The following ALPL variants were observed in gnomAD, a reference collection of about 807,000 sequenced individuals.
ALPL encodes alkaline phosphatase, biomineralization associated.
ALPL carries 42 observed loss-of-function variants against 51.3 expected under a neutral mutation model. The observed-to-expected ratio is 0.82, with a 90% CI of 0.64 to 1.06. ALPL has a LOEUF of 1.06. ALPL is among the 50% of genes least tolerant of loss of function. ALPL has a pLI of 0.00. For synonymous variants in ALPL, 279 were observed against 296.4 expected (o/e 0.94, Z 0.60); for missense variants, 589 against 709.4 (o/e 0.83, Z 1.93).
At chr1:21,568,500 T>C (rs1253362135) in intron 7 of ALPL, among the ~76,000 whole-genome samples, 2 of 151,702 alleles carry the variant, frequency 1.3e-5, no homozygotes, top group Non-Finnish European at 2.9e-5. Context: ...TGCGTGGACA[T>C]TGAGTCACCC....
Position 21,577,933 on chromosome 1 carries a change from A to C in ALPL, c.*285A>C. On this transcript the variant is annotated 3_prime_UTR_variant, in exon 12 of 12. Transcript: ENST00000374840. ...GAGAGTACAGACTGCAGACATTCTC[A>C]AAGCCTCTTATTTTTCTAGCGAACG... is the stretch of plus-strand genomic sequence containing the variant. The C allele has an allele frequency of 1.8e-6, 1 of 555,242 alleles. No homozygotes were observed. Among genetic ancestry groups the C allele is most frequent in the Non-Finnish European group, 3.2e-6 (1 of 313,504 alleles). The allele number at this position is 555,242 out of a possible 1,614,324, so 34.4% of individuals were successfully genotyped here. A position where few individuals can be genotyped will look rare whatever the true frequency, so the allele number is the denominator to read the frequency against.
At chr1:21,517,199 T>C (rs1329367713) in intron 1 of ALPL, among the ~76,000 whole-genome samples, 1 of 152,220 alleles carries the variant, frequency 6.6e-6, no homozygotes, top group Non-Finnish European at 1.5e-5. Flanking sequence ...TAAGTGTAAG[T>C]TGGGGACAGT....
intron 1 of ALPL, among the ~76,000 whole-genome samples, chr1:21,537,271 C>G (rs545607041): frequency 1.3e-5 from 2 of 152,324 alleles, no homozygotes; most frequent in African/African-American, 4.8e-5. Context: ...GCCAAGGAAA[C>G]AGCCCTTGAA....
intron 1 of ALPL, among the ~76,000 whole-genome samples, chr1:21,526,026 T>C (rs1052948218): frequency 6.6e-6 from 1 of 152,062 alleles, no homozygotes; most frequent in Non-Finnish European, 1.5e-5. Flanking sequence ...AGAAATGGTC[T>C]TGTAAGCAGA....
chr1:21,517,862 C>T (rs1053196351), intron 1 of ALPL, among the ~76,000 whole-genome samples: 1 of 152,098 alleles, frequency 6.6e-6, no homozygotes, highest in Admixed American at 6.6e-5. Flanking sequence ...TCAACCACTG[C>T]TTGCTTTCCT....
At chr1:21,567,571 C>T (rs1283997558) in intron 6 of ALPL, among the ~76,000 whole-genome samples, 1 of 152,214 alleles carries the variant, frequency 6.6e-6, no homozygotes, top group Non-Finnish European at 1.5e-5. Flanking sequence ...CTGGGAGTCC[C>T]TGCCCTTAGC....
chr1:21,513,667 C>T (rs1285399033), intron 1 of ALPL, among the ~76,000 whole-genome samples: 3 of 152,202 alleles, frequency 2.0e-5, no homozygotes, highest in Non-Finnish European at 4.4e-5. Context: ...CACAAACTGC[C>T]TTCCTAAGGC....
chr1:21,557,101 T>A (rs1237979012), intron 2 of ALPL, among the ~76,000 whole-genome samples: 3 of 152,178 alleles, frequency 2.0e-5, no homozygotes, highest in Admixed American at 2.0e-4. Flanking sequence ...TTTCAAGCTA[T>A]GTGCTATTTT....
chr1:21,563,282 CTGG>C lies in ALPL; in HGVS notation c.472+1_472+3del. On this transcript the variant is annotated splice_donor_variant and coding_sequence_variant, in exon 5 of 12. Transcript: ENST00000374840. LOFTEE classifies it high-confidence loss of function. ...TCCATCCTGCGCTGGGCCAAGGACG[CTGG>C]TGAGTCGGGGGAGCAGTGGGGAGCA... 2.5e-6 allele frequency: 4 copies of C among 1,606,748 alleles called. No homozygotes were observed. The highest frequency in any genetic ancestry group is 3.4e-6 in the Non-Finnish European group (4 of 1,175,356).
chr1:21,573,653 C>G lies in ALPL; in HGVS notation c.863-12C>G, dbSNP rs75829132. Reference sequence around the variant, plus strand: ...CCTCTCAGCATCCACATCCTCCTGGCGTCCTCCTCAGGTCTCTTCGAGCCA... The same window carrying G: ...CCTCTCAGCATCCACATCCTCCTGGGGTCCTCCTCAGGTCTCTTCGAGCCA... On this transcript the variant is annotated splice_polypyrimidine_tract_variant and intron_variant, in intron 8 of 11. Transcript: ENST00000374840. 238,514 of 1,608,524 alleles carry G rather than the reference C, an allele frequency of 0.15. 22,663 individuals are homozygous for G. The highest frequency in any genetic ancestry group is 0.5 in the East Asian group (22,342 of 44,568).
At chr1:21,510,064 G>C (rs2148046233) in intron 1 of ALPL, among the ~76,000 whole-genome samples, 1 of 152,254 alleles carries the variant, frequency 6.6e-6, no homozygotes, top group East Asian at 1.9e-4. Flanking sequence ...GGCGGGAGGA[G>C]ACAGAGGACA....
chr1:21,541,876 G>T (rs1485876980), intron 1 of ALPL, among the ~76,000 whole-genome samples: 6 of 152,148 alleles, frequency 3.9e-5, no homozygotes, highest in Admixed American at 3.9e-4. Flanking sequence ...GGCCTCTGGG[G>T]TACTTCCACG....
chr1:21,577,730 G>GT lies in ALPL; in HGVS notation c.*83dup. The stretch of plus-strand genomic sequence containing the variant: ...AGCCCCCCCCTCAAGGGGCAGGGAG[G>GT]TGGGGGCCTCCTCAGCCTCTGCAAC... On this transcript the variant is annotated 3_prime_UTR_variant, in exon 12 of 12. Transcript: ENST00000374840. The GT allele has an allele frequency of 6.6e-7, 1 of 1,516,884 alleles. No individual in the cohort carries two copies. The highest frequency in any genetic ancestry group is 8.8e-7 in the Non-Finnish European group (1 of 1,131,910). 94.0% of individuals were successfully genotyped at this position (1,516,884 alleles called of 1,614,324 possible).
Position 21,513,465 on chromosome 1 carries a change from CTTGAATA to C in ALPL, c.-105+3949_-105+3955del, listed in dbSNP as rs550556355. Among the ~76,000 whole-genome samples the C allele has an allele frequency of 1.9e-3, 295 of 152,272 alleles. 1 individual carries two copies. Among genetic ancestry groups the C allele is most frequent in the African/African-American group, 6.8e-3 (284 of 41,550 alleles). On this transcript the variant is annotated intron_variant, in intron 1 of 11. Coordinates refer to ENST00000374840, the MANE Select transcript of ALPL (RefSeq NM_000478.6). ...AGCTCAGGAGAGCTGAGCTGAAGTC[CTTGAATA>C]CCTCTGTGACCTTGGGCAAGTCACT...
At chr1:21,513,451 G>A (rs1643731450) in intron 1 of ALPL, among the ~76,000 whole-genome samples, 2 of 152,178 alleles carry the variant, frequency 1.3e-5, no homozygotes, top group African/African-American at 4.8e-5. Flanking sequence ...GCTCAGGAGA[G>A]CTGAGCTGAA....
chr1:21,523,986 A>C (rs1034057998), intron 1 of ALPL, among the ~76,000 whole-genome samples: 7 of 146,540 alleles, frequency 4.8e-5, no homozygotes, highest in African/African-American at 1.8e-4. Context: ...AAGGGTAGAT[A>C]CTCAAATCTC....
At chr1:21,541,948 C>T (rs1644192431) in intron 1 of ALPL, among the ~76,000 whole-genome samples, 1 of 152,176 alleles carries the variant, frequency 6.6e-6, no homozygotes, top group Admixed American at 6.5e-5. Flanking sequence ...ACTATAATCC[C>T]CAGCACTGGC....
At chr1:21,527,183 C>A (rs1412730329) in intron 1 of ALPL, among the ~76,000 whole-genome samples, 4 of 151,918 alleles carry the variant, frequency 2.6e-5, no homozygotes, top group African/African-American at 9.7e-5. Flanking sequence ...CAGGCATGCA[C>A]CACCACACCC....
rs181948499 is a variant in ALPL, at chr1:21,543,909, G to A, written c.-104-10069G>A. Among the ~76,000 whole-genome samples the A allele has an allele frequency of 1.2e-4, 18 of 152,338 alleles. No individual in the cohort carries two copies. In the East Asian group the frequency reaches 3.5e-3, roughly 29 times the overall value. ...AGGCTGCTTGGTAGAGCCTTGGAGG[G>A]TGTCCTTGGAGCAGGCCTGGGAGCT... On this transcript the variant is annotated intron_variant, in intron 1 of 11. Coordinates refer to ENST00000374840, the MANE Select transcript of ALPL (RefSeq NM_000478.6).
Sources: allele counts gnomAD v4.1 joint callset (sites outside exome capture counted in the v4.1 genomes callset), GRCh38; gene constraint gnomAD v4.1.1; transcripts MANE v1.5; gene names NCBI Gene and HGNC (gene_info 2026-07-23, HGNC 2026-07-21).